The following PPP2R2C variants were observed in gnomAD, a reference collection of about 807,000 sequenced individuals.
PPP2R2C encodes protein phosphatase 2, regulatory subunit B, gamma.
A neutral mutation model predicts 45.3 loss-of-function variants in PPP2R2C; 10 were observed. That is an observed-to-expected ratio of 0.22 (90% CI 0.14 to 0.37). The LOEUF (loss-of-function observed/expected upper bound fraction) is 0.37, where lower values mean the gene tolerates loss of function less well. Ranked by LOEUF, PPP2R2C falls within the 10% of genes least tolerant of loss-of-function variation. The pLI, the probability that PPP2R2C is intolerant of heterozygous loss-of-function variation, is 1.00. For synonymous variants in PPP2R2C, 257 were observed against 245.4 expected (o/e 1.05, Z -0.44); for missense variants, 308 against 619.7 (o/e 0.50, Z 5.34).
At chr4:6,384,482 A>G in intron 1 of PPP2R2C, 1 of 979,940 alleles carries the variant, frequency 1.0e-6, no homozygotes, top group Middle Eastern at 5.3e-4. Flanking sequence ...ATGAAGTTAC[A>G]TCATTTTTTA....
chr4:6,384,015 A>G, intron 1 of PPP2R2C: 1 of 985,612 alleles, frequency 1.0e-6, no homozygotes. Context: ...TGCACATGTC[A>G]CTGAACTTAA....
intron 1 of PPP2R2C, among the ~76,000 whole-genome samples, chr4:6,553,347 T>G (rs775049743): frequency 8.5e-5 from 13 of 152,070 alleles, no homozygotes; most frequent in Non-Finnish European, 1.5e-4. Context: ...AGGTGAAAAA[T>G]AGATCTACGG....
chr4:6,557,243 C>T (rs1464286196), intron 1 of PPP2R2C, among the ~76,000 whole-genome samples: 1 of 152,180 alleles, frequency 6.6e-6, no homozygotes, highest in Admixed American at 6.5e-5. Flanking sequence ...ATTTGAACCA[C>T]TCATTGGTGT....
In PPP2R2C at chr4:6,472,411, G is replaced by A. The variant is rs1347977927; in HGVS notation, c.-182C>T. 8.5e-6 allele frequency: 7 copies of A among 821,748 alleles called. No homozygotes were observed. The highest frequency in any genetic ancestry group is 2.9e-6 in the Non-Finnish European group (2 of 682,916). The allele number at this position is 821,748 out of a possible 1,614,324, so 50.9% of individuals were successfully genotyped here. A position where few individuals can be genotyped will look rare whatever the true frequency, so the allele number is the denominator to read the frequency against. ...GGGGGCGGCCGGGGGCGGGCGCCGC[G>A]GTCAAGCGAGCGCGCGGTGGGCGGG... On this transcript the variant is annotated 5_prime_UTR_variant, in exon 1 of 9. Coordinates refer to ENST00000382599, the MANE Select transcript of PPP2R2C (RefSeq NM_020416.4).
intron 5 of PPP2R2C, among the ~76,000 whole-genome samples, chr4:6,365,589 T>C (rs1714230380): frequency 6.6e-6 from 1 of 152,184 alleles, no homozygotes; most frequent in African/African-American, 2.4e-5. Flanking sequence ...CAGGGTCCCT[T>C]GGCCCAGCAC....
intron 1 of PPP2R2C, among the ~76,000 whole-genome samples, chr4:6,449,500 C>T (rs934159917): frequency 6.6e-6 from 1 of 152,234 alleles, no homozygotes; most frequent in Non-Finnish European, 1.5e-5. Flanking sequence ...AACACAGAGC[C>T]ATGCTGACGT....
chr4:6,346,384 A>AC (rs530733346), intron 6 of PPP2R2C, among the ~76,000 whole-genome samples: 1 of 150,906 alleles, frequency 6.6e-6, no homozygotes, highest in Non-Finnish European at 1.5e-5. Flanking sequence ...GGCACCACCC[A>AC]CCCCCTCAGG....
At chr4:6,560,063 C>A (rs1725525824) in intron 1 of PPP2R2C, among the ~76,000 whole-genome samples, 1 of 152,238 alleles carries the variant, frequency 6.6e-6, no homozygotes, top group African/African-American at 2.4e-5. Context: ...GTTGGGGGAA[C>A]CACAGGGGAA....
chr4:6,434,889 T>C (rs1719820327), intron 1 of PPP2R2C, among the ~76,000 whole-genome samples: 1 of 152,218 alleles, frequency 6.6e-6, no homozygotes, highest in Non-Finnish European at 1.5e-5. Flanking sequence ...ATGTAAACCA[T>C]CTCCTCATCA....
chr4:6,466,424 C>T (rs574013395), intron 1 of PPP2R2C, among the ~76,000 whole-genome samples: 1 of 152,302 alleles, frequency 6.6e-6, no homozygotes, highest in East Asian at 1.9e-4. Flanking sequence ...ATGAAGCCAG[C>T]CCTGGAGCAA....
chr4:6,361,993 G>A (rs553209767), intron 5 of PPP2R2C, among the ~76,000 whole-genome samples: 211 of 152,238 alleles, frequency 1.4e-3, no homozygotes, highest in African/African-American at 4.8e-3. Context: ...GAATTATCCC[G>A]GCAGAGCTAG....
intron 1 of PPP2R2C, among the ~76,000 whole-genome samples, chr4:6,553,830 A>G (rs973972350): frequency 6.6e-6 from 1 of 151,876 alleles, no homozygotes. Flanking sequence ...AAGTGACCTC[A>G]TTTATCCTTG....
chr4:6,517,244 C>T (rs1187130439), intron 2 of PPP2R2C, among the ~76,000 whole-genome samples: 1 of 152,176 alleles, frequency 6.6e-6, no homozygotes, highest in Non-Finnish European at 1.5e-5. Flanking sequence ...CCACACCTTG[C>T]CCGGCACCTG....
intron 5 of PPP2R2C, among the ~76,000 whole-genome samples, chr4:6,365,726 C>A (rs958760686): frequency 6.6e-6 from 1 of 152,198 alleles, no homozygotes; most frequent in Non-Finnish European, 1.5e-5. Context: ...GGCTGCACCC[C>A]CCTCCAGCCC....
intron 1 of PPP2R2C, among the ~76,000 whole-genome samples, chr4:6,424,893 A>G (rs35823118): frequency 0.78 from 118,525 of 152,124 alleles, 46,924 homozygotes; most frequent in Middle Eastern, 0.88. Flanking sequence ...TTCAAATCCC[A>G]ATGCCGCCAC....
chr4:6,483,181 T>C (rs182793496), intron 2 of PPP2R2C, among the ~76,000 whole-genome samples: 1 of 152,056 alleles, frequency 6.6e-6, no homozygotes, highest in Admixed American at 6.6e-5. Flanking sequence ...TAGAGCCATA[T>C]TTGTTTTGCT....
At chr4:6,439,599 T>C (rs1720050893) in intron 1 of PPP2R2C, among the ~76,000 whole-genome samples, 1 of 152,180 alleles carries the variant, frequency 6.6e-6, no homozygotes, top group Non-Finnish European at 1.5e-5. Context: ...CCCTCCCGCT[T>C]CGTCTCCTAG....
intron 1 of PPP2R2C, among the ~76,000 whole-genome samples, chr4:6,465,204 T>G (rs897233505): frequency 6.6e-6 from 1 of 151,824 alleles, no homozygotes; most frequent in Non-Finnish European, 1.5e-5. Flanking sequence ...TATGGACCCC[T>G]ACTTCACCTC....
chr4:6,519,445 G>A (rs921666879), intron 2 of PPP2R2C, among the ~76,000 whole-genome samples: 1 of 152,166 alleles, frequency 6.6e-6, no homozygotes, highest in African/African-American at 2.4e-5. Context: ...CCACGGGACA[G>A]GCCCATGCCT....
Sources: allele counts gnomAD v4.1 joint callset (sites outside exome capture counted in the v4.1 genomes callset), GRCh38; gene constraint gnomAD v4.1.1; transcripts MANE v1.5; gene names NCBI Gene and HGNC (gene_info 2026-07-23, HGNC 2026-07-21).